The following NCOR1 variants were observed in gnomAD, a reference collection of about 807,000 sequenced individuals.
The protein encoded by NCOR1 is protein phosphatase 1, regulatory subunit 109.
NCOR1 carries 63 observed loss-of-function variants against 288.1 expected under a neutral mutation model. That is an observed-to-expected ratio of 0.22 (90% CI 0.18 to 0.27). The LOEUF (loss-of-function observed/expected upper bound fraction) is 0.27. NCOR1 is among the 10% of genes least tolerant of loss of function. The pLI is 1.00. For missense variants in NCOR1, 2,397 were observed against 3,019.2 expected (o/e 0.79, Z 4.83); for synonymous variants, 1,007 against 1,065.9 (o/e 0.94, Z 1.08).
intron 40 of NCOR1, among the ~76,000 whole-genome samples, chr17:16,051,982 A>C (rs1267448643): frequency 3.3e-5 from 5 of 152,088 alleles, no homozygotes. Flanking sequence ...ACAAAAAAAC[A>C]CTCAAAAGAT....
At chr17:16,178,366 G>A (rs1042210283) in intron 3 of NCOR1, among the ~76,000 whole-genome samples, 18 of 151,478 alleles carry the variant, frequency 1.2e-4, no homozygotes, top group African/African-American at 4.4e-4. Flanking sequence ...GGGCATGGTG[G>A]CATGAGCCTG....
At chr17:16,034,476 T>G (rs1487529203) in intron 45 of NCOR1, among the ~76,000 whole-genome samples, 1 of 152,048 alleles carries the variant, frequency 6.6e-6, no homozygotes, top group Admixed American at 6.6e-5. Context: ...GGCATGGTCG[T>G]GCACGCCTGT....
At position 16,098,505 on chromosome 17, in the gene NCOR1, G is replaced by A. The variant is rs2152976099; in HGVS notation, c.2691-9C>T. 1 of 1,592,248 alleles carries A rather than the reference G, an allele frequency of 6.3e-7. No homozygotes were observed. The highest frequency in any genetic ancestry group is 8.5e-7 in the Non-Finnish European group (1 of 1,170,774). On this transcript the variant is annotated splice_polypyrimidine_tract_variant and intron_variant, in intron 20 of 45. Transcript: ENST00000268712. The stretch of plus-strand genomic sequence containing the variant: ...AGTCCATAGGAAACATTCTGCAATT[G>A]CAATTTAAAAAAAAGATAAATGAAT...
intron 3 of NCOR1, among the ~76,000 whole-genome samples, chr17:16,180,063 G>T (rs1016771200): frequency 1.3e-5 from 2 of 151,736 alleles, no homozygotes; most frequent in East Asian, 1.9e-4. Context: ...ACATATCCCT[G>T]GCATGCAAGG....
At position 16,075,692 on chromosome 17, in the gene NCOR1, G is replaced by A; in HGVS notation, c.3512C>T (p.Ala1171Val). The A allele has an allele frequency of 6.2e-7, 1 of 1,614,108 alleles. No homozygotes were observed. Among genetic ancestry groups the A allele is most frequent in the Non-Finnish European group, 8.5e-7 (1 of 1,180,012 alleles). ...LRGSITQGTPALPQTGIPTEA... is the reference protein window; with the variant it reads ...LRGSITQGTPVLPQTGIPTEA... ...TGTTGGTATGCCAGTCTGGGGCAGA[G>A]CCGGGGTGCCCTGCCATCAAATCAA... The change falls in exon 27 of 46, where the codon GCT becomes GTT. Residue 1171 changes from alanine (A) to valine (V), a missense_variant. Around this residue, in one of 11 missense-constraint regions of NCOR1, gnomAD observed 1,872 missense variants for 2,187.8 expected, o/e 0.86. Coordinates refer to ENST00000268712, the MANE Select transcript of NCOR1 (RefSeq NM_006311.4).
At position 16,073,573 on chromosome 17, in the gene NCOR1, C is replaced by T. The variant is rs370039161; in HGVS notation, c.3671-4G>A. Reference sequence around the variant, plus strand: ...CCTTCTCGGGCATTCTTAATATCTACAGAATACACAAACAAGACTTGCTCA... The same window carrying T: ...CCTTCTCGGGCATTCTTAATATCTATAGAATACACAAACAAGACTTGCTCA... On this transcript the variant is annotated splice_region_variant and splice_polypyrimidine_tract_variant and intron_variant, in intron 27 of 45. Transcript: ENST00000268712. 12 of 1,595,508 alleles carry T rather than the reference C, an allele frequency of 7.5e-6. No homozygotes were observed. In the African/African-American group the frequency reaches 1.2e-4, roughly 16 times the overall value.
chr17:16,057,632 G>A lies in NCOR1; in HGVS notation c.6274C>T (p.Pro2092Ser), dbSNP rs2060086280. The change falls in exon 40 of 46, where the codon CCT (proline) becomes TCT (serine). Residue 2092 changes from proline (P) to serine (S), a missense_variant. This residue lies in a region of NCOR1 where 1,872 missense variants were observed against 2,187.8 expected (regional missense o/e 0.86). Coordinates refer to ENST00000268712, the MANE Select transcript of NCOR1 (RefSeq NM_006311.4). ...QNSPSALVSTPVRTKTSNRYS... is the reference protein window; with the variant it reads ...QNSPSALVSTSVRTKTSNRYS... ...CGGTTTGATGTTTTAGTCCTCACAG[G>A]TGTAGATACCAAAGCAGAAGGTGAG... 8.7e-6 allele frequency: 14 copies of A among 1,613,970 alleles called. No homozygotes were observed. The highest frequency in any genetic ancestry group is 1.2e-5 in the Non-Finnish European group (14 of 1,180,006).
chr17:16,127,213 CTGTATGTATATATA>C (rs1422290144), intron 14 of NCOR1, among the ~76,000 whole-genome samples: 1 of 118,772 alleles, frequency 8.4e-6, no homozygotes, highest in Admixed American at 8.6e-5. Context: ...ATGTATATAT[CTGTATGTATATATA>C]CATGTATGCA....
At chr17:16,134,778 G>C (rs1366372843) in intron 14 of NCOR1, among the ~76,000 whole-genome samples, 1 of 152,128 alleles carries the variant, frequency 6.6e-6, no homozygotes, top group African/African-American at 2.4e-5. Flanking sequence ...CGTTAATGTA[G>C]GACTGAACAT....
intron 6 of NCOR1, among the ~76,000 whole-genome samples, chr17:16,154,582 C>G (rs1412026366): frequency 6.6e-6 from 1 of 152,116 alleles, no homozygotes; most frequent in Non-Finnish European, 1.5e-5. Flanking sequence ...AAAGATATTG[C>G]TAACAAGGGA....
At chr17:16,148,941 C>T (rs1297872200) in intron 9 of NCOR1, among the ~76,000 whole-genome samples, 1 of 151,934 alleles carries the variant, frequency 6.6e-6, no homozygotes, top group East Asian at 1.9e-4. Context: ...AATAAAATCA[C>T]TGGCATTATA....
chr17:16,065,309 C>T (rs760408752), intron 33 of NCOR1, among the ~76,000 whole-genome samples, 176 bp downstream of exon 33: 1 of 152,174 alleles, frequency 6.6e-6, no homozygotes, highest in Non-Finnish European at 1.5e-5. Context: ...TCAGTATTCA[C>T]CAAAACACCT....
At chr17:16,154,186 C>T (rs1040277797) in intron 6 of NCOR1, among the ~76,000 whole-genome samples, 15 of 151,836 alleles carry the variant, frequency 9.9e-5, no homozygotes, top group African/African-American at 3.4e-4. Flanking sequence ...GCCACAGCAC[C>T]CAGTTGCTAT....
intron 4 of NCOR1, among the ~76,000 whole-genome samples, chr17:16,165,903 T>G (rs887908727): frequency 5.3e-5 from 8 of 152,140 alleles, no homozygotes; most frequent in African/African-American, 1.9e-4. Context: ...CAGATAAATT[T>G]TAGAGTACTA....
rs1239881594 is a variant in NCOR1 at position 16,034,954 on chromosome 17, A to G, written c.6956-10T>C. 6.2e-7 allele frequency: 1 copy of G among 1,613,242 alleles called. No individual in the cohort carries two copies. The highest frequency in any genetic ancestry group is 1.7e-5 in the Admixed American group (1 of 59,794). On this transcript the variant is annotated splice_polypyrimidine_tract_variant and intron_variant, in intron 44 of 45. Coordinates refer to ENST00000268712, the MANE Select transcript of NCOR1 (RefSeq NM_006311.4). ...GGTTTGCAAACTCCTCCTGAAAGTG[A>G]AATTCAAGTTAAAGTATTAATATAT... is the stretch of plus-strand genomic sequence containing the variant.
intron 15 of NCOR1, among the ~76,000 whole-genome samples, chr17:16,122,253 T>C (rs1191621915): frequency 6.6e-6 from 1 of 152,224 alleles, no homozygotes; most frequent in Admixed American, 6.5e-5. Flanking sequence ...TGCAAATGAA[T>C]GGATAGATGG....
chr17:16,123,186 C>T (rs928886124), intron 15 of NCOR1, among the ~76,000 whole-genome samples: 1 of 152,078 alleles, frequency 6.6e-6, no homozygotes, highest in Non-Finnish European at 1.5e-5. Context: ...ACTCTCTAAT[C>T]ATTTGTTGTT....
At chr17:16,110,699 G>A (rs1203543147) in intron 18 of NCOR1, among the ~76,000 whole-genome samples, 1 of 152,172 alleles carries the variant, frequency 6.6e-6, no homozygotes, top group Admixed American at 6.5e-5. Flanking sequence ...CTCAGAAGAG[G>A]AAAATATACT....
intron 19 of NCOR1, among the ~76,000 whole-genome samples, chr17:16,103,343 T>A (rs1006592837): frequency 1.3e-4 from 20 of 152,206 alleles, no homozygotes; most frequent in Non-Finnish European, 5.9e-5. Context: ...CAGCTAGCAC[T>A]CTAGTCCAAA....
Sources: gnomAD v4.1 joint callset for allele counts (sites outside exome capture counted in the v4.1 genomes callset) on GRCh38, gnomAD v4.1.1 for gene constraint, gnomAD v4.1.1 regional missense constraint, MANE v1.5 for transcripts, NCBI Gene and HGNC (gene_info 2026-07-23, HGNC 2026-07-21) for gene names.